Variants in DDX46 observed in about 807,000 individuals in gnomAD.
DDX46 encodes DEAD-box helicase 46, also known as probable ATP-dependent RNA helicase DDX46.
In DDX46, 30 loss-of-function variants were observed where a neutral mutation model predicts 134.9. That is an observed-to-expected ratio of 0.22 (90% CI 0.17 to 0.30). DDX46 has a LOEUF of 0.30. Ranked by LOEUF, DDX46 falls within the 10% of genes least tolerant of loss-of-function variation. DDX46 has a pLI of 1.00. For missense variants in DDX46, 622 were observed against 1,248.7 expected, an observed-to-expected ratio of 0.50 and a Z score of 7.56; for synonymous variants, 415 against 404.1, an observed-to-expected ratio of 1.03 and a Z score of -0.32.
At position 134,825,179 on chromosome 5, in the gene DDX46, T is replaced by A. The variant is rs561113810; in HGVS notation, c.2978-1768T>A. 8.3e-4 allele frequency among the ~76,000 whole-genome samples: 127 copies of A among 152,328 alleles called. 1 individual carries two copies. Among genetic ancestry groups the A allele is most frequent in the African/African-American group, 2.9e-3 (120 of 41,580 alleles). ...GTGTCATTTTCCTTCTTTTTAAAGT[T>A]GCACAAAAATATCAACAAGCTTCAC... is the stretch of plus-strand genomic sequence containing the variant. On this transcript the variant is annotated intron_variant, in intron 21 of 22. Transcript: ENST00000452510.
chr5:134,828,712 C>G lies in DDX46; in HGVS notation c.*6C>G. ...GAAGATACAAAGTCTTATAGACATC[C>G]GGAAAAAAGATTTTTACCTGTGCTG... On this transcript the variant is annotated 3_prime_UTR_variant, in exon 23 of 23. Coordinates refer to ENST00000452510, the MANE Select transcript of DDX46 (RefSeq NM_001300860.2). 6.7e-7 allele frequency: 1 copy of G among 1,495,438 alleles called. No homozygotes were observed. Among genetic ancestry groups the G allele is most frequent in the Non-Finnish European group, 8.9e-7 (1 of 1,125,600 alleles). The allele number at this position is 1,495,438 out of a possible 1,614,324, so 92.6% of individuals were successfully genotyped here.
intron 3 of DDX46, among the ~76,000 whole-genome samples, chr5:134,767,438 G>T (rs1316066599): frequency 6.6e-6 from 1 of 151,986 alleles, no homozygotes; most frequent in Non-Finnish European, 1.5e-5. Context: ...GTAGACTCAA[G>T]CAATCCTCTC....
intron 13 of DDX46, among the ~76,000 whole-genome samples, chr5:134,793,221 A>T (rs1400868240): frequency 6.6e-6 from 1 of 152,158 alleles, no homozygotes; most frequent in East Asian, 1.9e-4. Context: ...GATTAAAAAA[A>T]CACTAAGTAA....
chr5:134,799,386 A>G (rs11242227), intron 15 of DDX46, among the ~76,000 whole-genome samples: 16,373 of 150,812 alleles, frequency 0.11, 1,187 homozygotes, highest in East Asian at 0.29. Context: ...GGCTCAAGCA[A>G]TCATCCCTCC....
At chr5:134,766,413 G>C (rs1310728908) in intron 2 of DDX46, among the ~76,000 whole-genome samples, 3 of 152,130 alleles carry the variant, frequency 2.0e-5, no homozygotes, top group Non-Finnish European at 4.4e-5. Context: ...AATTGGCTGG[G>C]CATGGTGGTG....
chr5:134,759,340 C>A (rs868477667), intron 1 of DDX46, among the ~76,000 whole-genome samples: 7 of 152,162 alleles, frequency 4.6e-5, no homozygotes, highest in Non-Finnish European at 1.0e-4. Context: ...TATTTTAGTT[C>A]TTTGTGCGCG....
At chr5:134,787,880 C>T (rs1256225324) in intron 11 of DDX46, among the ~76,000 whole-genome samples, 1 of 144,184 alleles carries the variant, frequency 6.9e-6, no homozygotes, top group African/African-American at 2.6e-5. Context: ...GCCTGTAGTC[C>T]TAGATACTGG....
chr5:134,807,977 A>G, intron 16 of DDX46, 36 bp downstream of exon 16: 1 of 1,542,942 alleles, frequency 6.5e-7, no homozygotes, highest in Non-Finnish European at 8.8e-7. Flanking sequence ...TCTTCATTAT[A>G]TTAAAATACA....
rs1434454349 is a variant in DDX46 at position 134,829,110 on chromosome 5, CTA to C, written c.*406_*407del. The C allele has an allele frequency of 6.5e-6, 1 of 153,830 alleles. No individual in the cohort carries two copies. Among genetic ancestry groups the C allele is most frequent in the Non-Finnish European group, 1.4e-5 (1 of 69,196 alleles). 9.5% of individuals were successfully genotyped at this position (153,830 alleles called of 1,614,324 possible). A position where few individuals can be genotyped will look rare whatever the true frequency, so the allele number is the denominator to read the frequency against. ...ATTTCCTAAGAAAAGGTAAAATTCA[CTA>C]TCATATTTTGTGTCCCCACCTTGAT... On this transcript the variant is annotated 3_prime_UTR_variant, in exon 23 of 23. Coordinates refer to ENST00000452510, the MANE Select transcript of DDX46 (RefSeq NM_001300860.2).
intron 5 of DDX46, among the ~76,000 whole-genome samples, chr5:134,777,279 A>G (rs1410505693): frequency 1.3e-5 from 2 of 152,246 alleles, no homozygotes; most frequent in Admixed American, 1.3e-4. Flanking sequence ...TAGCTGTAAA[A>G]TCTATTATTG....
chr5:134,773,576 C>T (rs2150135264), intron 4 of DDX46, 120 bp from the exon 5 acceptor site: 1 of 1,118,872 alleles, frequency 8.9e-7, no homozygotes, highest in Non-Finnish European at 1.2e-6. Context: ...TGTATATATG[C>T]CTTTTTTCCC....
chr5:134,778,794 G>A (rs1340707893), intron 6 of DDX46, among the ~76,000 whole-genome samples: 7 of 152,032 alleles, frequency 4.6e-5, no homozygotes, highest in Admixed American at 2.0e-4. Flanking sequence ...GGCTGGTCTC[G>A]AACTCCCGAC....
At chr5:134,796,365 C>T (rs1211190250) in intron 15 of DDX46, among the ~76,000 whole-genome samples, 5 of 152,194 alleles carry the variant, frequency 3.3e-5, no homozygotes, top group East Asian at 1.9e-4. Context: ...CAAGTTCCAT[C>T]GCCATTTATC....
In DDX46 at chr5:134,811,854, T is replaced by C. The variant is rs754107192; in HGVS notation, c.2436+9T>C. 3 of 1,602,896 alleles carry C rather than the reference T, an allele frequency of 1.9e-6. No homozygotes were observed. Among genetic ancestry groups the C allele is most frequent in the East Asian group, 4.5e-5 (2 of 44,776 alleles). On this transcript the variant is annotated intron_variant, in intron 18 of 22. Coordinates refer to ENST00000452510, the MANE Select transcript of DDX46 (RefSeq NM_001300860.2). ...AGGATGCTGCAGTTGATGTAAGTAC[T>C]ATTATTCTCTCATTCTTAATTGAAG...
At chr5:134,812,992 A>T (rs911912692) in intron 18 of DDX46, among the ~76,000 whole-genome samples, 34 of 151,126 alleles carry the variant, frequency 2.2e-4, no homozygotes, top group African/African-American at 8.0e-4. Context: ...ACCAGGCTGG[A>T]GTGCAGTGGC....
intron 10 of DDX46, 71 bp downstream of exon 10, chr5:134,784,612 A>G (rs986298453): frequency 6.9e-7 from 1 of 1,448,162 alleles, no homozygotes. Context: ...CTTATAGTTT[A>G]TAATGTTCTT....
At chr5:134,766,142 A>G (rs561630997) in intron 2 of DDX46, among the ~76,000 whole-genome samples, 3 of 152,334 alleles carry the variant, frequency 2.0e-5, no homozygotes, top group East Asian at 3.9e-4. Context: ...TAGACCCATT[A>G]TGCCCATCCT....
At chr5:134,773,664 C>T in intron 4 of DDX46, 32 bp from the exon 5 acceptor site, 4 of 1,545,186 alleles carry the variant, frequency 2.6e-6, no homozygotes, top group South Asian at 1.2e-5. Context: ...TTTTATTTTC[C>T]CCCATCTCTT....
At chr5:134,795,366 A>G (rs146731594) in intron 14 of DDX46, among the ~76,000 whole-genome samples, 367 of 152,206 alleles carry the variant, frequency 2.4e-3, no homozygotes, top group African/African-American at 8.4e-3. Context: ...GGGGACCACC[A>G]GATTGCCTAA....
Sources: allele counts gnomAD v4.1 joint callset (sites outside exome capture counted in the v4.1 genomes callset), GRCh38; gene constraint gnomAD v4.1.1; transcripts MANE v1.5; gene names NCBI Gene and HGNC (gene_info 2026-07-23, HGNC 2026-07-21).